TXNL4A: variants seen among roughly 807,000 people sequenced by gnomAD.
TXNL4A encodes the protein thioredoxin-like protein 4A.
TXNL4A carries 17 observed loss-of-function variants against 14.6 expected under a neutral mutation model. The observed-to-expected ratio is 1.16, with a 90% CI of 0.80 to 1.74. The LOEUF (loss-of-function observed/expected upper bound fraction) is 1.74. Ranked by LOEUF, TXNL4A falls within the 40% of genes most tolerant of loss-of-function variation. The pLI is 0.00. For missense variants in TXNL4A, 74 were observed against 195.2 expected (o/e 0.38, Z 3.70); for synonymous variants, 83 against 70.6 (o/e 1.18, Z -0.88).
At position 79,973,857 on chromosome 18, in the gene TXNL4A, C is replaced by G. The variant is rs1370775184; in HGVS notation, c.258-1G>C. The G allele has an allele frequency of 6.2e-7, 1 of 1,612,750 alleles. No homozygotes were observed. Among genetic ancestry groups the G allele is most frequent in the Non-Finnish European group, 8.5e-7 (1 of 1,179,582 alleles). ...CAAGTCAATCATGATGTGCTTGTTC[C>G]TGCAACGAGAAACAAGGGCATCCAT... is the stretch of plus-strand genomic sequence containing the variant. On this transcript the variant is annotated splice_acceptor_variant, in intron 2 of 2. Transcript: ENST00000269601. LOFTEE classifies it high-confidence loss of function.
upstream of TXNL4A, among the ~76,000 whole-genome samples, chr18:79,992,818 CTA>C (rs2051636197): frequency 8.3e-6 from 1 of 121,058 alleles, no homozygotes; most frequent in African/African-American, 3.1e-5. Context: ...TATGTTTTGT[CTA>C]TGTTACCTTA....
Position 79,971,557 on chromosome 18 carries a change from T to C in TXNL4A, c.*2128A>G, listed in dbSNP as rs1182552662. On this transcript the variant is annotated 3_prime_UTR_variant, in exon 3 of 3. Coordinates refer to ENST00000269601, the MANE Select transcript of TXNL4A (RefSeq NM_006701.5). Reference sequence around the variant, plus strand: ...GTTGCCCAGGCTGGTCGTGAACTCCTGGGCTCAAGCAATCTGCCTGTCTCA... The same window carrying C: ...GTTGCCCAGGCTGGTCGTGAACTCCCGGGCTCAAGCAATCTGCCTGTCTCA... 1 of 152,252 alleles carries C rather than the reference T, an allele frequency of 6.6e-6. No homozygotes were observed. The highest frequency in any genetic ancestry group is 1.5e-5 in the Non-Finnish European group (1 of 68,082). The allele number at this position is 152,252 out of a possible 1,614,324, so 9.4% of individuals were successfully genotyped here. A position where few individuals can be genotyped will look rare whatever the true frequency, so the allele number is the denominator to read the frequency against.
intron 2 of TXNL4A, among the ~76,000 whole-genome samples, chr18:79,977,108 C>T (rs966729310): frequency 6.6e-6 from 1 of 152,020 alleles, no homozygotes; most frequent in African/African-American, 2.4e-5. Context: ...TACAGGTATG[C>T]ACCACCACGC....
chr18:79,988,516 C>T lies in TXNL4A; in HGVS notation c.-124G>A. ...CGGGCCCACGGACGAAATCCGGTCC[C>T]GCCCGCACACGCAAACTCCGCTGGG... is the stretch of plus-strand genomic sequence containing the variant. On this transcript the variant is annotated 5_prime_UTR_variant, in exon 1 of 3. Coordinates refer to ENST00000269601, the MANE Select transcript of TXNL4A (RefSeq NM_006701.5). 9.2e-7 allele frequency: 1 copy of T among 1,083,974 alleles called. No homozygotes were observed. The highest frequency in any genetic ancestry group is 1.2e-6 in the Non-Finnish European group (1 of 847,754). The allele number at this position is 1,083,974 out of a possible 1,614,324, so 67.1% of individuals were successfully genotyped here.
intron 1 of TXNL4A, among the ~76,000 whole-genome samples, chr18:79,984,356 G>A (rs987670706): frequency 5.3e-5 from 8 of 152,266 alleles, no homozygotes; most frequent in African/African-American, 1.7e-4. Context: ...AATTTTGGGA[G>A]GCTGAGGTGA....
chr18:79,974,678 C>T (rs2051351823), intron 2 of TXNL4A, among the ~76,000 whole-genome samples: 1 of 152,094 alleles, frequency 6.6e-6, no homozygotes, highest in African/African-American at 2.4e-5. Context: ...GGGGTGTCCC[C>T]ATGTTGGCCA....
In TXNL4A at chr18:79,988,404, C is replaced by G. The variant is rs1392570093; in HGVS notation, c.-12G>C. 2.8e-6 allele frequency: 4 copies of G among 1,437,158 alleles called. No homozygotes were observed. In the East Asian group the frequency reaches 1.1e-4, roughly 41 times the overall value. 89.0% of individuals were successfully genotyped at this position (1,437,158 alleles called of 1,614,324 possible). A position where few individuals can be genotyped will look rare whatever the true frequency, so the allele number is the denominator to read the frequency against. Reference sequence around the variant, plus strand: ...AGCATGTACGACATGGCGGCCCGCGCGCTCGCCGCCGCCCAAGGCGGGGCG... The same window carrying G: ...AGCATGTACGACATGGCGGCCCGCGGGCTCGCCGCCGCCCAAGGCGGGGCG... On this transcript the variant is annotated 5_prime_UTR_variant, in exon 1 of 3. Coordinates refer to ENST00000269601, the MANE Select transcript of TXNL4A (RefSeq NM_006701.5).
intron 1 of TXNL4A, among the ~76,000 whole-genome samples, chr18:80,024,878 C>A (rs1215316910): frequency 6.6e-6 from 1 of 152,292 alleles, no homozygotes; most frequent in Admixed American, 6.5e-5. Context: ...TTGGGTCCGA[C>A]ATATGTCCCG....
At position 79,975,016 on chromosome 18, in the gene TXNL4A, C is replaced by T. The variant is rs566383931; in HGVS notation, c.258-1160G>A. On this transcript the variant is annotated intron_variant, in intron 2 of 2. Transcript: ENST00000269601. ...AAATCTGATCAGGGTCTGGAGCCCA[C>T]CTCTGGCCGCCCTCTCATTCTCCAT... 5.9e-5 allele frequency among the ~76,000 whole-genome samples: 9 copies of T among 152,314 alleles called. No homozygotes were observed. In the East Asian group the frequency reaches 1.7e-3, roughly 29 times the overall value.
At chr18:79,977,820 G>GT (rs1555717605) in intron 1 of TXNL4A, 119 bp from the exon 2 acceptor site, 12 of 563,406 alleles carry the variant, frequency 2.1e-5, no homozygotes, top group African/African-American at 4.1e-5. Context: ...TTTTTGTTTT[G>GT]TTTTTTTGAG....
chr18:79,977,458 T>TGC, intron 2 of TXNL4A, 140 bp downstream of exon 2: 4 of 673,870 alleles, frequency 5.9e-6, no homozygotes, highest in Non-Finnish European at 1.1e-5. Context: ...TCACACTGAT[T>TGC]GCCTGGTGAT....
chr18:80,003,098 T>A (rs1206561249), intron 1 of TXNL4A, among the ~76,000 whole-genome samples: 2 of 152,246 alleles, frequency 1.3e-5, no homozygotes, highest in Non-Finnish European at 2.9e-5. Flanking sequence ...CTGGCCAAGC[T>A]TACGCACTGA....
rs1205071257 is a variant in TXNL4A at position 79,971,713 on chromosome 18, C to T, written c.*1972G>A. ...TGTGAGGGCTCCAATTTCTCCACAT[C>T]CTTGCAAACGCTTGTTGCGATCTTT... On this transcript the variant is annotated 3_prime_UTR_variant, in exon 3 of 3. Transcript: ENST00000269601. The T allele has an allele frequency of 6.6e-6, 1 of 152,226 alleles. No individual in the cohort carries two copies. Among genetic ancestry groups the T allele is most frequent in the African/African-American group, 2.4e-5 (1 of 41,464 alleles). The allele number at this position is 152,226 out of a possible 1,614,324, so 9.4% of individuals were successfully genotyped here.
At chr18:79,977,851 C>A in intron 1 of TXNL4A, 150 bp from the exon 2 acceptor site, 1 of 618,306 alleles carries the variant, frequency 1.6e-6, no homozygotes, top group East Asian at 2.7e-5. Flanking sequence ...ACTCTGTCAT[C>A]CTAGAGTGCA....
rs915567133 is a variant in TXNL4A, at chr18:79,971,271, T to A, written c.*2414A>T. 9 of 152,274 alleles carry A rather than the reference T, an allele frequency of 5.9e-5. No individual in the cohort carries two copies. Among genetic ancestry groups the A allele is most frequent in the African/African-American group, 2.2e-4 (9 of 41,470 alleles). The allele number at this position is 152,274 out of a possible 1,614,324, so 9.4% of individuals were successfully genotyped here. On this transcript the variant is annotated 3_prime_UTR_variant, in exon 3 of 3. Transcript: ENST00000269601. Reference sequence around the variant, plus strand: ...CTGTGTACGAGTTTCTATGTGGACATATGCGTTCAATTCTCCTGGGTATGA... The same window carrying A: ...CTGTGTACGAGTTTCTATGTGGACAAATGCGTTCAATTCTCCTGGGTATGA...
chr18:80,023,143 T>C (rs571635280), intron 1 of TXNL4A, among the ~76,000 whole-genome samples: 3 of 152,350 alleles, frequency 2.0e-5, no homozygotes, highest in African/African-American at 7.2e-5. Context: ...CCCATTGTCA[T>C]TGAATGCAGA....
intron 1 of TXNL4A, among the ~76,000 whole-genome samples, chr18:80,022,671 T>A (rs2051857596): frequency 6.6e-6 from 1 of 152,168 alleles, no homozygotes; most frequent in African/African-American, 2.4e-5. Flanking sequence ...TTGTTACCCA[T>A]CTAGAGAGTG....
Position 80,016,615 on chromosome 18 carries a change from A to G in TXNL4A, c.-61+17236T>C, listed in dbSNP as rs1386364096. On this transcript the variant is annotated intron_variant, in intron 1 of 2. Transcript: ENST00000585474. ...GTTTTCCCAGCACCATTTATTAAAT[A>G]GGGAATCCTTTCCACATTGCTTGTT... Among the ~76,000 whole-genome samples, 4 of 152,218 alleles carry G rather than the reference A, an allele frequency of 2.6e-5. No individual in the cohort carries two copies. The East Asian group carries it at 7.7e-4, about 29-fold the overall frequency.
At chr18:79,983,474 C>A (rs2051495080) in intron 1 of TXNL4A, among the ~76,000 whole-genome samples, 1 of 152,192 alleles carries the variant, frequency 6.6e-6, no homozygotes, top group African/African-American at 2.4e-5. Context: ...CATAACTCTG[C>A]AAAACACATG....
Sources: allele counts gnomAD v4.1 joint callset (sites outside exome capture counted in the v4.1 genomes callset), GRCh38; gene constraint gnomAD v4.1.1; transcripts MANE v1.5; gene names NCBI Gene and HGNC (gene_info 2026-07-23, HGNC 2026-07-21).